NEK7: variants seen among roughly 807,000 people sequenced by gnomAD.
NEK7 encodes the protein NIMA related kinase 7.
NEK7 carries 18 observed loss-of-function variants against 44.6 expected under a neutral mutation model. The ratio of observed to expected loss-of-function variants is 0.40; its 90% confidence interval spans 0.28 to 0.60. The LOEUF (loss-of-function observed/expected upper bound fraction) is 0.60. Ranked by LOEUF, NEK7 falls within the 20% of genes least tolerant of loss-of-function variation. The probability of loss-of-function intolerance (pLI) is 0.38; values close to 1 mark genes in which losing one functional copy is unlikely to be tolerated. For missense variants in NEK7, 256 were observed against 366.5 expected (o/e 0.70, Z 2.46); for synonymous variants, 130 against 121.1 (o/e 1.07, Z -0.48).
chr1:198,200,017 T>A (rs1186687061), intron 1 of NEK7, among the ~76,000 whole-genome samples: 4 of 152,192 alleles, frequency 2.6e-5, no homozygotes, highest in Non-Finnish European at 4.4e-5. Flanking sequence ...CCTTTAAGAT[T>A]ACTTAAATTT....
At chr1:198,233,640 G>A (rs976652641) in intron 2 of NEK7, among the ~76,000 whole-genome samples, 36 of 152,124 alleles carry the variant, frequency 2.4e-4, no homozygotes, top group African/African-American at 8.7e-4. Context: ...GTGACTTTGT[G>A]GCAGTACTTC....
intron 9 of NEK7, among the ~76,000 whole-genome samples, chr1:198,299,899 CAATT>C (rs1654832288): frequency 6.6e-6 from 1 of 152,038 alleles, no homozygotes. Flanking sequence ...ACATACATAA[CAATT>C]AAGCATTAAA....
At chr1:198,184,256 G>A (rs1279286011) in intron 1 of NEK7, among the ~76,000 whole-genome samples, 1 of 152,068 alleles carries the variant, frequency 6.6e-6, no homozygotes, top group African/African-American at 2.4e-5. Context: ...TAAATGTATG[G>A]AATGTTTCAC....
At chr1:198,265,008 T>G (rs34186138) in intron 5 of NEK7, among the ~76,000 whole-genome samples, 1 of 152,082 alleles carries the variant, frequency 6.6e-6, no homozygotes, top group East Asian at 1.9e-4. Flanking sequence ...ATTGTTATTG[T>G]TATTATTTCT....
chr1:198,165,733 C>T (rs1429907168), intron 1 of NEK7, among the ~76,000 whole-genome samples: 2 of 152,160 alleles, frequency 1.3e-5, no homozygotes, highest in Non-Finnish European at 2.9e-5. Flanking sequence ...TCACCAGCTG[C>T]GTCAGCCCTT....
chr1:198,209,138 ATGTGTATATATATACTTTT>A (rs1352903712), intron 1 of NEK7, among the ~76,000 whole-genome samples: 1 of 91,138 alleles, frequency 1.1e-5, no homozygotes, highest in African/African-American at 4.4e-5. Flanking sequence ...ACACATATGT[ATGTGTATATATATACTTTT>A]TTTTTTTTTT....
chr1:198,163,476 C>T (rs984544686), intron 1 of NEK7, among the ~76,000 whole-genome samples: 6 of 151,294 alleles, frequency 4.0e-5, no homozygotes, highest in East Asian at 1.9e-4. Context: ...ATGATGCCAC[C>T]GCACTCCCAC....
At chr1:198,264,359 A>C in intron 5 of NEK7, 124 bp downstream of exon 5, 1 of 651,570 alleles carries the variant, frequency 1.5e-6, no homozygotes, top group Non-Finnish European at 2.6e-6. Flanking sequence ...CTTATCTGAT[A>C]GATATGTAAC....
At chr1:198,301,419 G>T (rs191331475) in intron 9 of NEK7, among the ~76,000 whole-genome samples, 74 of 152,200 alleles carry the variant, frequency 4.9e-4, no homozygotes, top group Non-Finnish European at 8.1e-4. Context: ...GCGTGGTGGC[G>T]GGCGCCTGTA....
chr1:198,317,889 T>TG (rs1478530224), intron 9 of NEK7, among the ~76,000 whole-genome samples: 1 of 146,316 alleles, frequency 6.8e-6, no homozygotes, highest in East Asian at 2.0e-4. Flanking sequence ...TTTTTTTTTT[T>TG]TTTTTTTTTT....
chr1:198,266,954 G>T (rs1653673583), intron 5 of NEK7, among the ~76,000 whole-genome samples: 1 of 151,976 alleles, frequency 6.6e-6, no homozygotes, highest in Non-Finnish European at 1.5e-5. Flanking sequence ...GTATTTAGAA[G>T]TCACTAGACA....
chr1:198,237,034 A>G (rs1159864000), intron 2 of NEK7, among the ~76,000 whole-genome samples: 1 of 152,116 alleles, frequency 6.6e-6, no homozygotes, highest in African/African-American at 2.4e-5. Context: ...TGCTCCATCC[A>G]GTCCAGTTTT....
chr1:198,268,021 G>A lies in NEK7; in HGVS notation c.372+3786G>A, dbSNP rs138581865. On this transcript the variant is annotated intron_variant, in intron 5 of 9. Coordinates refer to ENST00000367385, the MANE Select transcript of NEK7 (RefSeq NM_133494.3). ...TCTCTTCCTAAAACACTCCTCCATC[G>A]GCTTATTGAGTCCCACAGTGTCTTG... Among the ~76,000 whole-genome samples the A allele has an allele frequency of 4.9e-4, 75 of 151,810 alleles. No individual in the cohort carries two copies. The East Asian group carries it at 0.012, about 25-fold the overall frequency.
intron 1 of NEK7, among the ~76,000 whole-genome samples, chr1:198,216,074 G>A (rs1665910170): frequency 6.6e-6 from 1 of 152,026 alleles, no homozygotes; most frequent in African/African-American, 2.4e-5. Flanking sequence ...GTAAACAAAT[G>A]AACCTAATAG....
chr1:198,206,416 T>C (rs909753925), intron 1 of NEK7, among the ~76,000 whole-genome samples: 1 of 152,168 alleles, frequency 6.6e-6, no homozygotes, highest in African/African-American at 2.4e-5. Flanking sequence ...ACTGTTAACG[T>C]ATCAATATGT....
chr1:198,286,159 A>G (rs1654362267), intron 7 of NEK7, among the ~76,000 whole-genome samples: 1 of 152,194 alleles, frequency 6.6e-6, no homozygotes, highest in African/African-American at 2.4e-5. Flanking sequence ...AAATACTCAT[A>G]TGGACTAAGT....
chr1:198,259,698 T>A (rs1012984212), intron 3 of NEK7, among the ~76,000 whole-genome samples: 2 of 152,148 alleles, frequency 1.3e-5, no homozygotes, highest in Non-Finnish European at 2.9e-5. Flanking sequence ...GTTTTATTGT[T>A]TAACATGTTG....
chr1:198,261,790 TA>T (rs1653481189), intron 3 of NEK7, among the ~76,000 whole-genome samples: 1 of 151,976 alleles, frequency 6.6e-6, no homozygotes, highest in African/African-American at 2.4e-5. Flanking sequence ...TTTATGTTTT[TA>T]ACAGTAGGTT....
At chr1:198,288,652 T>C (rs72731932) in intron 7 of NEK7, among the ~76,000 whole-genome samples, 6,663 of 152,226 alleles carry the variant, frequency 0.044, 230 homozygotes, top group Middle Eastern at 0.065. Context: ...GTATAATAAT[T>C]GAAACATCTT....
Sources: allele counts gnomAD v4.1 joint callset (sites outside exome capture counted in the v4.1 genomes callset), GRCh38; gene constraint gnomAD v4.1.1; transcripts MANE v1.5; gene names NCBI Gene and HGNC (gene_info 2026-07-23, HGNC 2026-07-21).